Variants in ADGRB3 observed in about 807,000 individuals in gnomAD.
The protein encoded by ADGRB3 is adhesion G protein-coupled receptor B3, also known as brain-specific angiogenesis inhibitor 3.
ADGRB3 carries 37 observed loss-of-function variants against 193.4 expected under a neutral mutation model. The observed-to-expected ratio is 0.19, with a 90% CI of 0.15 to 0.25. The LOEUF is 0.25. ADGRB3 is among the 10% of genes least tolerant of loss of function. The pLI, the probability that ADGRB3 is intolerant of heterozygous loss-of-function variation, is 1.00. For synonymous variants in ADGRB3, 690 were observed against 644.2 expected, an observed-to-expected ratio of 1.07 and a Z score of -1.08; for missense variants, 1,637 against 1,852.9, an observed-to-expected ratio of 0.88 and a Z score of 2.14.
intron 20 of ADGRB3, among the ~76,000 whole-genome samples, chr6:69,264,456 A>G (rs1232904097): frequency 6.7e-6 from 1 of 149,324 alleles, no homozygotes; most frequent in African/African-American, 2.5e-5. Flanking sequence ...TTTTTTTTCT[A>G]TTCTTCTTTA....
intron 20 of ADGRB3, among the ~76,000 whole-genome samples, chr6:69,251,584 A>G (rs1187018368): frequency 1.3e-5 from 2 of 152,196 alleles, no homozygotes; most frequent in East Asian, 3.8e-4. Flanking sequence ...TATTATAAGA[A>G]TCAAGTAGGA....
intron 3 of ADGRB3, among the ~76,000 whole-genome samples, chr6:68,837,522 G>A (rs1053162907): frequency 6.6e-6 from 1 of 152,094 alleles, no homozygotes; most frequent in African/African-American, 2.4e-5. Context: ...AAAGATTTCT[G>A]TAGAGTATAT....
At chr6:68,887,944 G>A (rs188668485) in intron 3 of ADGRB3, among the ~76,000 whole-genome samples, 89 of 152,216 alleles carry the variant, frequency 5.8e-4, no homozygotes, top group African/African-American at 2.1e-3. Flanking sequence ...ACACTTGATG[G>A]CTGACAAGAG....
chr6:68,742,538 C>A (rs956852310), intron 3 of ADGRB3, among the ~76,000 whole-genome samples: 11 of 152,074 alleles, frequency 7.2e-5, no homozygotes, highest in African/African-American at 2.4e-4. Flanking sequence ...TGAAACCTGA[C>A]TCCTCTGCTT....
intron 17 of ADGRB3, among the ~76,000 whole-genome samples, chr6:69,169,549 C>T (rs1046073338): frequency 6.1e-5 from 9 of 148,142 alleles, no homozygotes; most frequent in African/African-American, 1.7e-4. Context: ...AATATAAGCA[C>T]GAATTGTGAT....
At chr6:68,962,323 C>G (rs1454738445) in intron 8 of ADGRB3, among the ~76,000 whole-genome samples, 1 of 152,218 alleles carries the variant, frequency 6.6e-6, no homozygotes, top group South Asian at 2.1e-4. Context: ...GTTGTATGGG[C>G]AGACTTGGGG....
chr6:68,835,990 C>T (rs1173067511), intron 3 of ADGRB3, among the ~76,000 whole-genome samples: 1 of 152,154 alleles, frequency 6.6e-6, no homozygotes, highest in Non-Finnish European at 1.5e-5. Flanking sequence ...CACCTCTACT[C>T]TTGGCTAGCG....
At chr6:68,671,624 T>C (rs1768962010) in intron 3 of ADGRB3, among the ~76,000 whole-genome samples, 1 of 152,108 alleles carries the variant, frequency 6.6e-6, no homozygotes, top group East Asian at 1.9e-4. Context: ...TCATGATGAA[T>C]GCTCTTTTTA....
At chr6:69,238,270 G>A (rs12198215) in intron 19 of ADGRB3, among the ~76,000 whole-genome samples, 1,730 of 152,158 alleles carry the variant, frequency 0.011, 16 homozygotes, top group South Asian at 0.019. Context: ...AAATACAACA[G>A]TGTCTTTTTG....
intron 3 of ADGRB3, among the ~76,000 whole-genome samples, chr6:68,727,283 T>A (rs1158399573): frequency 1.3e-5 from 2 of 151,650 alleles, no homozygotes; most frequent in Admixed American, 6.6e-5. Flanking sequence ...CTCAGAATTC[T>A]TCTCTAGGCA....
chr6:69,157,672 T>C (rs972867301), intron 17 of ADGRB3, among the ~76,000 whole-genome samples: 2 of 151,668 alleles, frequency 1.3e-5, no homozygotes, highest in African/African-American at 4.8e-5. Flanking sequence ...TAATTGCATT[T>C]TTTGCCATTG....
At chr6:69,227,253 G>A (rs1344978457) in intron 17 of ADGRB3, among the ~76,000 whole-genome samples, 2 of 152,166 alleles carry the variant, frequency 1.3e-5, no homozygotes, top group Non-Finnish European at 1.5e-5. Context: ...AGTGGTGGGC[G>A]AATATATGTG....
At chr6:69,081,276 C>G (rs1344084209) in intron 17 of ADGRB3, among the ~76,000 whole-genome samples, 1 of 151,892 alleles carries the variant, frequency 6.6e-6, no homozygotes, top group Non-Finnish European at 1.5e-5. Context: ...ACTGAAAATA[C>G]TAGACCTTTA....
chr6:68,797,174 G>A (rs900340282), intron 3 of ADGRB3, among the ~76,000 whole-genome samples: 7 of 152,146 alleles, frequency 4.6e-5, no homozygotes, highest in African/African-American at 1.2e-4. Context: ...AGTACCTTGC[G>A]TGGGTCAATC....
intron 3 of ADGRB3, among the ~76,000 whole-genome samples, chr6:68,843,501 A>G (rs1259509872): frequency 1.3e-5 from 2 of 152,194 alleles, no homozygotes; most frequent in South Asian, 4.1e-4. Context: ...ACTATAAAAC[A>G]TTGATGAAAG....
At chr6:68,797,475 G>A (rs886241880) in intron 3 of ADGRB3, among the ~76,000 whole-genome samples, 4 of 151,928 alleles carry the variant, frequency 2.6e-5, no homozygotes, top group Admixed American at 1.3e-4. Context: ...AAACCTGTCC[G>A]CCATCCAGCC....
intron 17 of ADGRB3, among the ~76,000 whole-genome samples, chr6:69,110,292 A>G (rs1445179679): frequency 2.0e-5 from 3 of 152,130 alleles, no homozygotes; most frequent in African/African-American, 7.2e-5. Context: ...TTAACTCTAT[A>G]GTGTCCATGC....
intron 17 of ADGRB3, among the ~76,000 whole-genome samples, chr6:69,215,183 A>G (rs1463948262): frequency 2.6e-5 from 4 of 152,218 alleles, no homozygotes; most frequent in Non-Finnish European, 5.9e-5. Flanking sequence ...AAAGGACATT[A>G]GAGATACGAT....
chr6:69,213,798 T>G (rs1022803842), intron 17 of ADGRB3, among the ~76,000 whole-genome samples: 1 of 152,146 alleles, frequency 6.6e-6, no homozygotes, highest in Non-Finnish European at 1.5e-5. Context: ...ATAAATAGAT[T>G]GATAGAGAGA....
Sources: gnomAD v4.1 joint callset for allele counts (sites outside exome capture counted in the v4.1 genomes callset) on GRCh38, gnomAD v4.1.1 for gene constraint, MANE v1.5 for transcripts, NCBI Gene and HGNC (gene_info 2026-07-23, HGNC 2026-07-21) for gene names.